Variants in INPP5D observed in about 807,000 individuals in gnomAD.
INPP5D encodes phosphatidylinositol 3,4,5-trisphosphate 5-phosphatase 1.
INPP5D carries 33 observed loss-of-function variants against 122.9 expected under a neutral mutation model. That is an observed-to-expected ratio of 0.27 (90% CI 0.20 to 0.36). The LOEUF is 0.36. Among genes scored for constraint, INPP5D ranks in the 10% least tolerant of loss-of-function variants. The probability of loss-of-function intolerance (pLI) is 1.00; values close to 1 mark genes in which losing one functional copy is unlikely to be tolerated. For synonymous variants in INPP5D, 584 were observed against 576.2 expected, an observed-to-expected ratio of 1.01 and a Z score of -0.19; for missense variants, 1,053 against 1,412.7, an observed-to-expected ratio of 0.75 and a Z score of 4.08.
At chr2:233,136,866 G>T (rs911516599) in intron 5 of INPP5D, among the ~76,000 whole-genome samples, 1 of 152,332 alleles carries the variant, frequency 6.6e-6, no homozygotes, top group Admixed American at 6.5e-5. Flanking sequence ...TTAATAATCT[G>T]CATTAAAGAT....
At chr2:233,171,014 G>T in intron 16 of INPP5D, 50 bp from the exon 17 acceptor site, 1 of 1,599,212 alleles carries the variant, frequency 6.3e-7, no homozygotes, top group South Asian at 1.1e-5. Flanking sequence ...AAATTGGCCA[G>T]ATGCAAAACC....
At position 233,060,442 on chromosome 2, in the gene INPP5D, G is replaced by C. The variant is rs1013582222; in HGVS notation, c.-37G>C. 9.6e-6 allele frequency: 15 copies of C among 1,559,810 alleles called. No homozygotes were observed. The highest frequency in any genetic ancestry group is 1.1e-5 in the Non-Finnish European group (13 of 1,150,578). On this transcript the variant is annotated 5_prime_UTR_variant, in exon 1 of 27. Transcript: ENST00000445964. Reference sequence around the variant, plus strand: ...CCTCGGTGGTGTGTGGGTCCTGGGGGTGCCTGCCGGCCCGGCCGAGGAGGC... The same window carrying C: ...CCTCGGTGGTGTGTGGGTCCTGGGGCTGCCTGCCGGCCCGGCCGAGGAGGC...
At chr2:233,130,884 G>C in intron 5 of INPP5D, 1 of 666,014 alleles carries the variant, frequency 1.5e-6, no homozygotes, top group Non-Finnish European at 2.7e-6. Context: ...TTAATTGGAG[G>C]CCAGTTGCTC....
At chr2:233,201,859 C>T (rs888226017) in intron 25 of INPP5D, among the ~76,000 whole-genome samples, 5 of 152,270 alleles carry the variant, frequency 3.3e-5, no homozygotes, top group East Asian at 1.9e-4. Flanking sequence ...GGAATCAACT[C>T]GTCCCCTAGA....
chr2:233,163,094 G>T (rs1694238038), intron 11 of INPP5D, among the ~76,000 whole-genome samples: 1 of 152,336 alleles, frequency 6.6e-6, no homozygotes, highest in Non-Finnish European at 1.5e-5. Flanking sequence ...CTTTGCACTT[G>T]TAAGGCAAGA....
At chr2:233,101,305 T>C (rs1692305080) in intron 2 of INPP5D, among the ~76,000 whole-genome samples, 1 of 152,100 alleles carries the variant, frequency 6.6e-6, no homozygotes, top group Non-Finnish European at 1.5e-5. Flanking sequence ...AACTGGGATT[T>C]GAGCCTGTAG....
intron 18 of INPP5D, among the ~76,000 whole-genome samples, chr2:233,180,572 C>T (rs1259825891): frequency 6.6e-6 from 1 of 152,118 alleles, no homozygotes; most frequent in East Asian, 1.9e-4. Context: ...GACAATCTTG[C>T]TTTGTTATCC....
intron 2 of INPP5D, among the ~76,000 whole-genome samples, chr2:233,103,657 G>A (rs1692380087): frequency 6.6e-6 from 1 of 152,046 alleles, no homozygotes; most frequent in African/African-American, 2.4e-5. Context: ...GCCTGCCGAG[G>A]GGGTGATCTG....
chr2:233,114,829 G>A (rs1210340128), intron 2 of INPP5D, among the ~76,000 whole-genome samples: 1 of 151,928 alleles, frequency 6.6e-6, no homozygotes, highest in Non-Finnish European at 1.5e-5. Context: ...GCTTTGGTGT[G>A]GGGAGCAACT....
Position 233,082,383 on chromosome 2 carries a change from C to CA in INPP5D, c.198+2989dup, listed in dbSNP as rs1691715304. ...TCAAGTTCCTCTTTTCATGTTGAGG[C>CA]AAAACCTCACAGTCTTTTCTGAGCT... On this transcript the variant is annotated intron_variant, in intron 2 of 26. Coordinates refer to ENST00000445964, the MANE Select transcript of INPP5D (RefSeq NM_001017915.3). The surrounding 1 kb of genome is among the most constrained non-coding windows in gnomAD (Gnocchi z 4.7). 6.6e-6 allele frequency among the ~76,000 whole-genome samples: 1 copy of CA among 152,130 alleles called. No individual in the cohort carries two copies. The highest frequency in any genetic ancestry group is 2.4e-5 in the African/African-American group (1 of 41,428).
At position 233,160,477 on chromosome 2, in the gene INPP5D, A is replaced by G. The variant is rs566078956; in HGVS notation, c.1138-1247A>G. On this transcript the variant is annotated intron_variant, in intron 10 of 26. Coordinates refer to ENST00000445964, the MANE Select transcript of INPP5D (RefSeq NM_001017915.3). The surrounding 1 kb of genome is among the most constrained non-coding windows in gnomAD (Gnocchi z 4.2). ...AATTTAAATGTTCTTTCATTACATA[A>G]GTAATCTATTCTCCTTGGTGAAGAC... Among the ~76,000 whole-genome samples the G allele has an allele frequency of 4.6e-5, 7 of 152,324 alleles. No individual in the cohort carries two copies. In the East Asian group the frequency reaches 1.3e-3, roughly 29 times the overall value.
At chr2:233,192,392 C>T (rs1372610406) in intron 22 of INPP5D, among the ~76,000 whole-genome samples, 3 of 152,226 alleles carry the variant, frequency 2.0e-5, no homozygotes, top group Non-Finnish European at 4.4e-5. Flanking sequence ...AAAACATCAA[C>T]AGTCTCATTC....
intron 5 of INPP5D, chr2:233,131,170 G>A (rs1337842044): frequency 2.1e-6 from 2 of 969,220 alleles, no homozygotes; most frequent in Non-Finnish European, 2.5e-6. Context: ...AACTGGTAAA[G>A]GTTCTGATTT....
At chr2:233,190,682 T>C (rs1233652991) in intron 22 of INPP5D, among the ~76,000 whole-genome samples, 1 of 152,186 alleles carries the variant, frequency 6.6e-6, no homozygotes, top group Non-Finnish European at 1.5e-5. Context: ...TGCCTGTTTG[T>C]GGCTCCAGCC....
chr2:233,159,002 G>A (rs1280971906), intron 10 of INPP5D, among the ~76,000 whole-genome samples: 2 of 152,116 alleles, frequency 1.3e-5, no homozygotes, highest in East Asian at 1.9e-4. Context: ...GGCTGGTCTC[G>A]AACTCCTGGG....
intron 8 of INPP5D, among the ~76,000 whole-genome samples, chr2:233,146,766 G>A (rs558983490): frequency 3.3e-5 from 5 of 150,352 alleles, no homozygotes; most frequent in Non-Finnish European, 5.9e-5. Flanking sequence ...CTGCCTCAAG[G>A]GGGTGGGGAA....
At chr2:233,062,692 C>T (rs1691107710) in intron 1 of INPP5D, among the ~76,000 whole-genome samples, 1 of 152,146 alleles carries the variant, frequency 6.6e-6, no homozygotes. Flanking sequence ...CACCAGGAGT[C>T]CCACCCCTTG....
Position 233,122,239 on chromosome 2 carries a change from G to A in INPP5D, c.331G>A (p.Asp111Asn), listed in dbSNP as rs373149593. 20 of 1,613,638 alleles carry A rather than the reference G, an allele frequency of 1.2e-5. No homozygotes were observed. Among genetic ancestry groups the A allele is most frequent in the East Asian group, 2.2e-5 (1 of 44,908 alleles). ...GCTGGAGGAAGAGGACACAGGCGAC[G>A]ACCCTGAGGAGGACACAGGTAGGGA... The part of the protein sequence containing the change: ...VPLEEEDTGD[D>N]PEEDTVESVV... Residue 111 changes from aspartate (D) to asparagine (N), a missense_variant, in exon 3 of 27, where the codon GAC (aspartate) becomes AAC (asparagine). Asp to Asn is a conservative substitution (Grantham distance 23, BLOSUM62 1). Around this residue, in one of 6 missense-constraint regions of INPP5D, gnomAD observed 196 missense variants for 175.6 expected, o/e 1.12. Transcript: ENST00000445964.
intron 23 of INPP5D, among the ~76,000 whole-genome samples, chr2:233,194,306 T>C (rs574324220): frequency 6.6e-6 from 1 of 152,218 alleles, no homozygotes; most frequent in African/African-American, 2.4e-5. Context: ...GTTAAATGGC[T>C]CCTTCCAGGC....
Sources: gnomAD v4.1 joint callset for allele counts (sites outside exome capture counted in the v4.1 genomes callset) on GRCh38, gnomAD v4.1.1 for gene constraint, gnomAD v4.1.1 regional missense constraint, Gnocchi (gnomAD v3.1) non-coding constraint, MANE v1.5 for transcripts, NCBI Gene and HGNC (gene_info 2026-07-23, HGNC 2026-07-21) for gene names.